The following SLC1A2 variants were observed in gnomAD, a reference collection of about 807,000 sequenced individuals.
SLC1A2 encodes solute carrier family 1 member 2.
SLC1A2 carries 15 observed loss-of-function variants against 48.8 expected under a neutral mutation model. That is an observed-to-expected ratio of 0.31 (90% CI 0.21 to 0.47). SLC1A2 has a LOEUF of 0.47. Among genes scored for constraint, SLC1A2 ranks in the 20% least tolerant of loss-of-function variants. The pLI is 0.99. For missense variants in SLC1A2, 502 were observed against 730.5 expected (o/e 0.69, Z 3.61); for synonymous variants, 279 against 272.6 (o/e 1.02, Z -0.23).
At chr11:35,307,568 C>A (rs905149847) in intron 4 of SLC1A2, among the ~76,000 whole-genome samples, 2 of 152,224 alleles carry the variant, frequency 1.3e-5, no homozygotes, top group African/African-American at 4.8e-5. Flanking sequence ...ATTGTCAGTG[C>A]TGGCATGTAG....
chr11:35,383,598 A>T (rs1207831514), intron 1 of SLC1A2, among the ~76,000 whole-genome samples: 2 of 152,200 alleles, frequency 1.3e-5, no homozygotes, highest in East Asian at 3.8e-4. Context: ...CAGGGATGGT[A>T]AGAATAGTTC....
In SLC1A2 at chr11:35,257,581, C is replaced by T. The variant is rs1457360493; in HGVS notation, c.*3313G>A. ...ATGCTCTTTGTATGGGAAGCATGCCCTCAAAGATCTAAGGTAAAGTATTAC... is the reference window on the plus strand; with the variant it reads ...ATGCTCTTTGTATGGGAAGCATGCCTTCAAAGATCTAAGGTAAAGTATTAC... On this transcript the variant is annotated 3_prime_UTR_variant, in exon 11 of 11. Coordinates refer to ENST00000278379, the MANE Select transcript of SLC1A2 (RefSeq NM_004171.4). The T allele has an allele frequency of 2.0e-5, 3 of 152,148 alleles. No individual in the cohort carries two copies. Among genetic ancestry groups the T allele is most frequent in the African/African-American group, 7.2e-5 (3 of 41,426 alleles). The allele number at this position is 152,148 out of a possible 1,614,324, so 9.4% of individuals were successfully genotyped here.
chr11:35,284,087 T>TTTTATATATATATATATATATATA (rs1554993896), intron 8 of SLC1A2, among the ~76,000 whole-genome samples: 13 of 115,856 alleles, frequency 1.1e-4, no homozygotes, highest in African/African-American at 1.6e-4. Flanking sequence ...GAAGATTTTA[T>TTTTATATATATATATATATATATA]TATATATATA....
rs1372011707 is a variant in SLC1A2 at position 35,252,116 on chromosome 11, GT to G, written c.*8777del. 1 of 152,594 alleles carries G rather than the reference GT, an allele frequency of 6.6e-6. No individual in the cohort carries two copies. The highest frequency in any genetic ancestry group is 2.4e-5 in the African/African-American group (1 of 41,452). 9.5% of individuals were successfully genotyped at this position (152,594 alleles called of 1,614,324 possible). On this transcript the variant is annotated 3_prime_UTR_variant, in exon 11 of 11. Coordinates refer to ENST00000278379, the MANE Select transcript of SLC1A2 (RefSeq NM_004171.4). ...TATTCCTGTGCTTCTAGTGCTCTAA[GT>G]TTTTTACAGAGAACTCTGAAGTTTA...
rs375559969 is a variant in SLC1A2, at chr11:35,326,287, C to T, written c.18-8771G>A. 2.6e-5 allele frequency among the ~76,000 whole-genome samples: 4 copies of T among 152,212 alleles called. No individual in the cohort carries two copies. The South Asian group carries it at 8.3e-4, about 32-fold the overall frequency. ...GACCCTCCAAAATGTGGTCCTTCTGCTAGAAAGCATGAGTACTCATTCCCC... is the reference window on the plus strand; with the variant it reads ...GACCCTCCAAAATGTGGTCCTTCTGTTAGAAAGCATGAGTACTCATTCCCC... On this transcript the variant is annotated intron_variant, in intron 1 of 10. Transcript: ENST00000278379.
At position 35,406,114 on chromosome 11, in the gene SLC1A2, G is replaced by A. The variant is rs564094349; in HGVS notation, c.17+12836C>T. ...AACACTTAGCACACTCTGTTATGAT[G>A]AGTTGCTATGAGAGAGGTCTGAACA... On this transcript the variant is annotated intron_variant, in intron 1 of 10. Transcript: ENST00000278379. Among the ~76,000 whole-genome samples, 3 of 152,284 alleles carry A rather than the reference G, an allele frequency of 2.0e-5. No homozygotes were observed. The East Asian group carries it at 5.8e-4, about 29-fold the overall frequency.
chr11:35,371,053 C>T (rs766468313), intron 1 of SLC1A2: 9 of 985,080 alleles, frequency 9.1e-6, no homozygotes, highest in African/African-American at 3.5e-5. Flanking sequence ...CTTGCAGAGA[C>T]AATGGGTGGA....
In SLC1A2 at chr11:35,419,129, C is replaced by G; in HGVS notation, c.-163G>C. ...CGGGGTAAGCCCTTTAGCGCCTCAACGGGCGCAGGAGGCTCCTGCGGGCGC... is the reference window on the plus strand; with the variant it reads ...CGGGGTAAGCCCTTTAGCGCCTCAAGGGGCGCAGGAGGCTCCTGCGGGCGC... On this transcript the variant is annotated 5_prime_UTR_variant, in exon 1 of 11. Coordinates refer to ENST00000278379, the MANE Select transcript of SLC1A2 (RefSeq NM_004171.4). This position sits in a 1 kb window ranked among gnomAD's most constrained non-coding sequence, Gnocchi z 5.4. 4 of 543,604 alleles carry G rather than the reference C, an allele frequency of 7.4e-6. No homozygotes were observed. The South Asian group carries it at 1.3e-4, about 17-fold the overall frequency. The allele number at this position is 543,604 out of a possible 1,614,324, so 33.7% of individuals were successfully genotyped here. A position where few individuals can be genotyped will look rare whatever the true frequency, so the allele number is the denominator to read the frequency against.
chr11:35,294,686 G>T (rs971761045), intron 6 of SLC1A2, among the ~76,000 whole-genome samples: 2 of 152,180 alleles, frequency 1.3e-5, no homozygotes, highest in Non-Finnish European at 2.9e-5. Context: ...CGAGCAATTT[G>T]TAGAATGGAG....
Position 35,254,162 on chromosome 11 carries a change from A to T in SLC1A2, c.*6732T>A, listed in dbSNP as rs1366600578. The T allele has an allele frequency of 6.5e-6, 1 of 152,674 alleles. No individual in the cohort carries two copies. Among genetic ancestry groups the T allele is most frequent in the Admixed American group, 6.5e-5 (1 of 15,274 alleles). 9.5% of individuals were successfully genotyped at this position (152,674 alleles called of 1,614,324 possible). Reference sequence around the variant, plus strand: ...GATCAAGTTAGATTCACAGTTTGCCAGCTCTTTCCTCAAGCTGTAGAAAAC... The same window carrying T: ...GATCAAGTTAGATTCACAGTTTGCCTGCTCTTTCCTCAAGCTGTAGAAAAC... On this transcript the variant is annotated 3_prime_UTR_variant, in exon 11 of 11. Coordinates refer to ENST00000278379, the MANE Select transcript of SLC1A2 (RefSeq NM_004171.4).
intron 6 of SLC1A2, among the ~76,000 whole-genome samples, chr11:35,300,590 T>A (rs1420829394): frequency 2.0e-5 from 3 of 152,244 alleles, no homozygotes; most frequent in African/African-American, 7.2e-5. Flanking sequence ...AGTACCTTGA[T>A]CTTGGACTTG....
intron 1 of SLC1A2, among the ~76,000 whole-genome samples, chr11:35,363,337 G>T (rs1316655622): frequency 1.3e-5 from 2 of 152,190 alleles, no homozygotes; most frequent in Admixed American, 6.5e-5. Flanking sequence ...GCAGGCTGTT[G>T]CCTGGTAGTG....
At chr11:35,280,742 GAGGA>G in intron 9 of SLC1A2, 121 bp downstream of exon 9, 1 of 599,164 alleles carries the variant, frequency 1.7e-6, no homozygotes. Flanking sequence ...GAGCGGGAAG[GAGGA>G]AGGAAGAGTG....
At position 35,255,016 on chromosome 11, in the gene SLC1A2, C is replaced by T. The variant is rs1413045517; in HGVS notation, c.*5878G>A. The T allele has an allele frequency of 3.4e-6, 1 of 292,808 alleles. No homozygotes were observed. The highest frequency in any genetic ancestry group is 2.9e-5 in the South Asian group (1 of 34,468). The allele number at this position is 292,808 out of a possible 1,614,324, so 18.1% of individuals were successfully genotyped here. Reference sequence around the variant, plus strand: ...CAATGAAGAAATTGTGTTTATCTTGCTGCCCTTGCATCAGGTTTTTTGCAC... The same window carrying T: ...CAATGAAGAAATTGTGTTTATCTTGTTGCCCTTGCATCAGGTTTTTTGCAC... On this transcript the variant is annotated 3_prime_UTR_variant, in exon 11 of 11. Transcript: ENST00000278379.
At chr11:35,413,009 C>CT (rs58487538) in intron 1 of SLC1A2, among the ~76,000 whole-genome samples, 2,605 of 151,658 alleles carry the variant, frequency 0.017, 66 homozygotes, top group African/African-American at 0.06. Context: ...CTTGAAAGAT[C>CT]TTTTTTTTTA....
At chr11:35,289,466 C>T (rs574549283) in intron 7 of SLC1A2, among the ~76,000 whole-genome samples, 1 of 151,122 alleles carries the variant, frequency 6.6e-6, no homozygotes, top group African/African-American at 2.4e-5. Context: ...AAATGAAATA[C>T]AGAGTTAGGG....
chr11:35,375,913 A>G (rs770334165), intron 1 of SLC1A2, among the ~76,000 whole-genome samples: 1 of 152,252 alleles, frequency 6.6e-6, no homozygotes, highest in Non-Finnish European at 1.5e-5. Context: ...ATCAAGGCAC[A>G]GAGAAGTCAA....
At chr11:35,404,676 C>A (rs536169519) in intron 1 of SLC1A2, among the ~76,000 whole-genome samples, 1 of 152,290 alleles carries the variant, frequency 6.6e-6, no homozygotes, top group East Asian at 1.9e-4. Context: ...CCACAGTGCT[C>A]CCTGCTGGGC....
At chr11:35,366,135 C>T (rs953048560) in intron 1 of SLC1A2, among the ~76,000 whole-genome samples, 7 of 152,208 alleles carry the variant, frequency 4.6e-5, no homozygotes, top group Non-Finnish European at 8.8e-5. Context: ...ACTTATGAAT[C>T]AGGGTTCAGG....
Sources: allele counts gnomAD v4.1 joint callset (sites outside exome capture counted in the v4.1 genomes callset), GRCh38; gene constraint gnomAD v4.1.1; non-coding constraint Gnocchi (gnomAD v3.1); transcripts MANE v1.5; gene names NCBI Gene and HGNC (gene_info 2026-07-23, HGNC 2026-07-21).